Variants in LSMEM1 observed in about 807,000 individuals in gnomAD.
LSMEM1 encodes the protein leucine-rich single-pass membrane protein 1.
Under a neutral mutation model 11.3 loss-of-function variants are expected in LSMEM1, and 10 were observed. That is an observed-to-expected ratio of 0.89 (90% CI 0.55 to 1.50). LSMEM1 has a LOEUF of 1.50. Ranked by LOEUF, LSMEM1 falls within the 40% of genes most tolerant of loss-of-function variation. The probability of loss-of-function intolerance (pLI) is 0.00; values close to 1 mark genes in which losing one functional copy is unlikely to be tolerated. For synonymous variants in LSMEM1, 65 were observed against 59.3 expected, an observed-to-expected ratio of 1.10 and a Z score of -0.44; for missense variants, 151 against 152.9, an observed-to-expected ratio of 0.99 and a Z score of 0.06.
intron 1 of LSMEM1, among the ~76,000 whole-genome samples, chr7:112,484,368 C>G (rs1164637780): frequency 6.6e-6 from 1 of 152,182 alleles, no homozygotes; most frequent in African/African-American, 2.4e-5. Flanking sequence ...TGCTGACTAG[C>G]TTAATTTTGT....
At chr7:112,487,611 G>C (rs942313231) in intron 3 of LSMEM1, among the ~76,000 whole-genome samples, 1 of 152,220 alleles carries the variant, frequency 6.6e-6, no homozygotes, top group Non-Finnish European at 1.5e-5. Context: ...GTCTGCTCTT[G>C]GCCTGGGCCA....
rs1335705208 is a variant in LSMEM1 at position 112,490,700 on chromosome 7, AT to A, written c.*752del. Reference sequence around the variant, plus strand: ...ATAAACTTTGTGTATTTTGTTTCTCATGAAAAAACCCCTTTGGCACCCTGCT... The same window carrying A: ...ATAAACTTTGTGTATTTTGTTTCTCAGAAAAAACCCCTTTGGCACCCTGCT... On this transcript the variant is annotated 3_prime_UTR_variant, in exon 4 of 4. Coordinates refer to ENST00000312849, the MANE Select transcript of LSMEM1 (RefSeq NM_182597.3). 6.6e-6 allele frequency: 1 copy of A among 152,202 alleles called. No individual in the cohort carries two copies. The allele number at this position is 152,202 out of a possible 1,614,324, so 9.4% of individuals were successfully genotyped here. A position where few individuals can be genotyped will look rare whatever the true frequency, so the allele number is the denominator to read the frequency against.
intron 1 of LSMEM1, chr7:112,483,678 AAAG>A (rs1796075782): frequency 6.6e-6 from 1 of 152,208 alleles, no homozygotes; most frequent in Non-Finnish European, 1.5e-5. Flanking sequence ...GGGATATAGA[AAAG>A]AAAAGTAGCA....
At chr7:112,480,962 T>G, upstream of LSMEM1, 1 of 452,624 alleles carries the variant, frequency 2.2e-6, no homozygotes, top group East Asian at 7.0e-5. Flanking sequence ...AGCTAACAGT[T>G]GCTTCAGCCA....
At chr7:112,482,292 C>T (rs1340822065) in intron 1 of LSMEM1, among the ~76,000 whole-genome samples, 1 of 152,066 alleles carries the variant, frequency 6.6e-6, no homozygotes, top group Non-Finnish European at 1.5e-5. Flanking sequence ...TTTGGAGTCA[C>T]CTTTTGAGTA....
chr7:112,487,085 T>C (rs1796147578), intron 3 of LSMEM1, 34 bp downstream of exon 3: 1 of 1,606,944 alleles, frequency 6.2e-7, no homozygotes, highest in African/African-American at 1.3e-5. Context: ...TTTTATTACT[T>C]GTATGCATTT....
intron 1 of LSMEM1, among the ~76,000 whole-genome samples, chr7:112,481,693 A>T (rs1796036143): frequency 6.6e-6 from 1 of 152,226 alleles, no homozygotes; most frequent in Non-Finnish European, 1.5e-5. Context: ...ATAGACAATT[A>T]TCTTTATTTG....
At chr7:112,486,826 C>T (rs1796138789) in intron 2 of LSMEM1, 97 bp from the exon 3 acceptor site, 2 of 1,511,388 alleles carry the variant, frequency 1.3e-6, no homozygotes, top group African/African-American at 1.4e-5. Flanking sequence ...TGGGTGTGTC[C>T]ATTACTCACG....
Position 112,481,122 on chromosome 7 carries a change from G to A in LSMEM1, c.-230G>A. 6.1e-6 allele frequency: 2 copies of A among 325,320 alleles called. No homozygotes were observed. Among genetic ancestry groups the A allele is most frequent in the East Asian group, 1.7e-4 (2 of 11,652 alleles). The allele number at this position is 325,320 out of a possible 1,614,324, so 20.2% of individuals were successfully genotyped here. A position where few individuals can be genotyped will look rare whatever the true frequency, so the allele number is the denominator to read the frequency against. On this transcript the variant is annotated 5_prime_UTR_variant, in exon 1 of 4. The change creates a premature stop within an existing upstream ORF in the 5' untranslated region. Transcript: ENST00000312849. Reference sequence around the variant, plus strand: ...GACATTATGAAAAAAGTCAGGATTTGGAATCTTACACTGCTTGGCTAAATT... The same window carrying A: ...GACATTATGAAAAAAGTCAGGATTTAGAATCTTACACTGCTTGGCTAAATT...
At position 112,484,829 on chromosome 7, in the gene LSMEM1, TC is replaced by T. The variant is rs1563279030; in HGVS notation, c.16del (p.Gln6ArgfsTer20). 2 of 1,613,668 alleles carry T rather than the reference TC, an allele frequency of 1.2e-6. No homozygotes were observed. The highest frequency in any genetic ancestry group is 1.1e-5 in the South Asian group (1 of 91,056). On this transcript the variant is annotated frameshift_variant, in exon 2 of 4. Transcript: ENST00000312849. LOFTEE classifies it high-confidence loss of function. ...TCTTCCAGGGACAATGACTCATTCT[TC>T]CCAGGACACTGGTTCTTGTGGCATT... Reference protein sequence around the residue: MTHSSQDTGSCGIQE... With the variant: MTHSXQDTGSCGIQE...
rs1796030382 is a variant in LSMEM1, at chr7:112,481,360, A to G, written c.-6+14A>G. 1 of 154,580 alleles carries G rather than the reference A, an allele frequency of 6.5e-6. No homozygotes were observed. The highest frequency in any genetic ancestry group is 2.4e-5 in the African/African-American group (1 of 41,470). 9.6% of individuals were successfully genotyped at this position (154,580 alleles called of 1,614,324 possible). ...GCTCACATTTTTGTAAGTAATTTGC[A>G]TGCTATTACTCTACTGAGACTGAAT... On this transcript the variant is annotated intron_variant, in intron 1 of 3. Coordinates refer to ENST00000312849, the MANE Select transcript of LSMEM1 (RefSeq NM_182597.3).
rs1244950996 is a variant in LSMEM1, at chr7:112,480,997, A to G, written c.-355A>G. On this transcript the variant is annotated 5_prime_UTR_variant, in exon 1 of 4. Transcript: ENST00000312849. ...AGATAAGGACGGTAACTTCAGTCCA[A>G]TAAAAACCTCATCAGTTACCAACTA... The G allele has an allele frequency of 1.7e-5, 7 of 401,214 alleles. No individual in the cohort carries two copies. In the East Asian group the frequency reaches 3.7e-4, roughly 21 times the overall value. 24.9% of individuals were successfully genotyped at this position (401,214 alleles called of 1,614,324 possible).
chr7:112,486,498 C>T (rs62474609), intron 2 of LSMEM1: 53,400 of 369,860 alleles, frequency 0.14, 5,072 homozygotes, highest in South Asian at 0.31. Flanking sequence ...AAGTCACGGC[C>T]GGGCGCCGTG....
chr7:112,487,110 A>G, intron 3 of LSMEM1, 59 bp downstream of exon 3: 4 of 1,584,358 alleles, frequency 2.5e-6, no homozygotes, highest in Non-Finnish European at 3.4e-6. Context: ...ATAGCTGGTT[A>G]ACTTTGCTCC....
Position 112,489,933 on chromosome 7 carries a change from A to G in LSMEM1, c.380A>G (p.Asp127Gly), listed in dbSNP as rs375116717. 1.2e-5 allele frequency: 19 copies of G among 1,613,068 alleles called. No individual in the cohort carries two copies. In the East Asian group the frequency reaches 3.8e-4, roughly 32 times the overall value. Reference sequence around the variant, plus strand: ...CGACTCAACCAACTCAACCAACTGGACTCTGAACAAAACTAAAGGAATGAT... The same window carrying G: ...CGACTCAACCAACTCAACCAACTGGGCTCTGAACAAAACTAAAGGAATGAT... Reference protein sequence around the residue: ...VKRLNQLNQLDSEQN With the variant: ...VKRLNQLNQLGSEQN The change falls in exon 4 of 4, where the codon GAC (aspartate) becomes GGC (glycine). Residue 127 changes from aspartate (D) to glycine (G), a missense_variant. Coordinates refer to ENST00000312849, the MANE Select transcript of LSMEM1 (RefSeq NM_182597.3).
intron 1 of LSMEM1, among the ~76,000 whole-genome samples, chr7:112,482,393 G>A (rs1220322206): frequency 6.6e-6 from 1 of 152,076 alleles, no homozygotes; most frequent in East Asian, 1.9e-4. Flanking sequence ...TCTCTATTTT[G>A]TAAACATTGA....
chr7:112,487,041 A>G lies in LSMEM1; in HGVS notation c.246A>G (p.Ile82Met), dbSNP rs1796145835. The G allele has an allele frequency of 1.2e-6, 2 of 1,613,826 alleles. No individual in the cohort carries two copies. Among genetic ancestry groups the G allele is most frequent in the Non-Finnish European group, 1.7e-6 (2 of 1,179,954 alleles). ...IVSLALVFFV[I>M]FLIVQTGNKM... ...GCCTGGCACTGGTTTTTTTCGTGAT[A>G]TTTCTAATAGGTAAGTACCACCACA... The change falls in exon 3 of 4, where the codon ATA (isoleucine) becomes ATG (methionine). Residue 82 changes from isoleucine (I) to methionine (M), a missense_variant. Physicochemically the swap from Ile to Met is conservative, Grantham distance 10 (BLOSUM62 1). Transcript: ENST00000312849.
At position 112,490,756 on chromosome 7, in the gene LSMEM1, G is replaced by A. The variant is rs1372597510; in HGVS notation, c.*807G>A. 5 of 152,174 alleles carry A rather than the reference G, an allele frequency of 3.3e-5. No homozygotes were observed. In the East Asian group the frequency reaches 9.6e-4, roughly 29 times the overall value. The allele number at this position is 152,174 out of a possible 1,614,324, so 9.4% of individuals were successfully genotyped here. A position where few individuals can be genotyped will look rare whatever the true frequency, so the allele number is the denominator to read the frequency against. On this transcript the variant is annotated 3_prime_UTR_variant, in exon 4 of 4. Coordinates refer to ENST00000312849, the MANE Select transcript of LSMEM1 (RefSeq NM_182597.3). ...GATTTGGAAGAAATCTGATAGATTT[G>A]TGGCCTTTCCTAAATTGCACTAGGA...
At chr7:112,484,973 C>T (rs1162541100) in intron 2 of LSMEM1, 30 bp downstream of exon 2, 7 of 1,588,222 alleles carry the variant, frequency 4.4e-6, no homozygotes, top group African/African-American at 2.7e-5. Context: ...CACAGCAGCC[C>T]TTCCTAGCTT....
Sources: gnomAD v4.1 joint callset for allele counts (sites outside exome capture counted in the v4.1 genomes callset) on GRCh38, gnomAD v4.1.1 for gene constraint, MANE v1.5 for transcripts, NCBI Gene and HGNC (gene_info 2026-07-23, HGNC 2026-07-21) for gene names.